The following FGD4 variants were observed in gnomAD, a reference collection of about 807,000 sequenced individuals.
FGD4 encodes FYVE, RhoGEF and PH domain containing 4.
In FGD4, 42 loss-of-function variants were observed where a neutral mutation model predicts 102.0. The observed-to-expected ratio is 0.41, with a 90% CI of 0.32 to 0.53. The LOEUF is 0.53. Among genes scored for constraint, FGD4 ranks in the 20% least tolerant of loss-of-function variants. FGD4 has a pLI of 0.21. For missense variants in FGD4, 902 were observed against 1,078.2 expected, an observed-to-expected ratio of 0.84 and a Z score of 2.29; for synonymous variants, 380 against 375.7, an observed-to-expected ratio of 1.01 and a Z score of -0.13.
chr12:32,510,984 G>A (rs1187496209), intron 1 of FGD4, among the ~76,000 whole-genome samples: 1 of 152,214 alleles, frequency 6.6e-6, no homozygotes, highest in Non-Finnish European at 1.5e-5. Context: ...ATCAGAGTCT[G>A]TGGGATTAAG....
chr12:32,441,974 C>T (rs546973024), intron 1 of FGD4, among the ~76,000 whole-genome samples: 28 of 151,720 alleles, frequency 1.8e-4, no homozygotes, highest in African/African-American at 6.3e-4. Context: ...TCCAGAGATG[C>T]TCTTCACGCC....
At chr12:32,498,132 G>A (rs1476166004) in intron 1 of FGD4, among the ~76,000 whole-genome samples, 1 of 152,208 alleles carries the variant, frequency 6.6e-6, no homozygotes, top group Non-Finnish European at 1.5e-5. Context: ...GTTGGACTTT[G>A]TAGAGGCTAA....
chr12:32,544,068 A>G lies in FGD4; in HGVS notation c.167-20069A>G, dbSNP rs901697646. ...GTGAAGAGGACTTCATACTTTGCAC[A>G]GAAGTATTTGCTGTGACTTAAACAA... is the stretch of plus-strand genomic sequence containing the variant. On this transcript the variant is annotated intron_variant, in intron 1 of 16. Transcript: ENST00000534526. This position sits in a 1 kb window ranked among gnomAD's most constrained non-coding sequence, Gnocchi z 4.1. Among the ~76,000 whole-genome samples, 20 of 152,214 alleles carry G rather than the reference A, an allele frequency of 1.3e-4. No homozygotes were observed. Among genetic ancestry groups the G allele is most frequent in the Non-Finnish European group, 5.9e-5 (4 of 68,034 alleles).
chr12:32,542,015 T>C (rs914602008), intron 1 of FGD4, among the ~76,000 whole-genome samples: 1 of 151,988 alleles, frequency 6.6e-6, no homozygotes, highest in Non-Finnish European at 1.5e-5. Flanking sequence ...TCACCGCAGG[T>C]CTGGGTGATC....
Position 32,513,378 on chromosome 12 carries a change from C to T in FGD4, c.167-50759C>T, listed in dbSNP as rs548834495. On this transcript the variant is annotated intron_variant, in intron 1 of 16. Coordinates refer to ENST00000534526, the MANE Select transcript of FGD4 (RefSeq NM_001370298.3). ...TTGGAATCTGTAAGATAAATGGCAC[C>T]AGATTATGTTAGTCTAAACTGTAAG... Among the ~76,000 whole-genome samples, 134 of 152,266 alleles carry T rather than the reference C, an allele frequency of 8.8e-4. 1 individual carries two copies. Among genetic ancestry groups the T allele is most frequent in the African/African-American group, 3.0e-3 (123 of 41,548 alleles).
chr12:32,492,643 T>A (rs17536329), intron 1 of FGD4, among the ~76,000 whole-genome samples: 29,068 of 152,196 alleles, frequency 0.19, 3,127 homozygotes, highest in South Asian at 0.29. Flanking sequence ...TGCTGCTTTA[T>A]AAACATAATA....
chr12:32,467,277 G>A (rs1019161420), intron 1 of FGD4, among the ~76,000 whole-genome samples: 1 of 152,008 alleles, frequency 6.6e-6, no homozygotes, highest in Non-Finnish European at 1.5e-5. Context: ...TACTATACAC[G>A]GTGCAATAAG....
At chr12:32,463,483 C>G (rs1238007360) in intron 1 of FGD4, among the ~76,000 whole-genome samples, 1 of 152,284 alleles carries the variant, frequency 6.6e-6, no homozygotes, top group Non-Finnish European at 1.5e-5. Context: ...AGGTAAATAA[C>G]GTATTCTTCT....
intron 2 of FGD4, 109 bp downstream of exon 2, chr12:32,564,398 T>A: frequency 2.2e-5 from 22 of 1,018,652 alleles, no homozygotes; most frequent in Non-Finnish European, 3.0e-5. Flanking sequence ...AAGGAAGGAA[T>A]TGGGTACATT....
chr12:32,617,157 G>A (rs1249409109), intron 10 of FGD4, among the ~76,000 whole-genome samples: 1 of 152,118 alleles, frequency 6.6e-6, no homozygotes, highest in Non-Finnish European at 1.5e-5. Flanking sequence ...TCCAACACAC[G>A]CTTTTTACAC....
At chr12:32,424,372 A>G (rs921886137) in intron 1 of FGD4, among the ~76,000 whole-genome samples, 1 of 152,126 alleles carries the variant, frequency 6.6e-6, no homozygotes, top group Non-Finnish European at 1.5e-5. Context: ...TTCTAGCTTC[A>G]TCCATGTCCC....
rs918777984 is a variant in FGD4, at chr12:32,564,183, A to G, written c.213A>G (p.Thr71=). The part of the protein sequence containing the change: ...PKIALVPPCS[T]SSTTTLVGEN... The stretch of plus-strand genomic sequence containing the variant: ...TCGCTTTAGTTCCACCTTGCTCCAC[A>G]AGCAGCACAACCACACTGGTTGGTG... The change falls in exon 2 of 17, where the codon ACA becomes ACG. Residue 71 remains threonine (T), a synonymous_variant. Transcript: ENST00000534526. 1.1e-5 allele frequency: 17 copies of G among 1,536,166 alleles called. No individual in the cohort carries two copies. The Admixed American group carries it at 2.0e-4, about 18-fold the overall frequency.
Position 32,576,285 on chromosome 12 carries a change from C to G in FGD4, c.339C>G (p.His113Gln). ...PKPQVPPKPL[H>Q]LQNSPSSNIH... is the part of the protein sequence containing the mutation. ...CTACAGTGCCTCCAAAGCCATTACA[C>G]CTGCAGAATTCACCTTCGTCCAATA... is the stretch of plus-strand genomic sequence containing the variant. Residue 113 changes from histidine to glutamine, a missense_variant, in exon 3 of 17, where the codon CAC (histidine) becomes CAG (glutamine). His to Gln is a conservative substitution (Grantham distance 24, BLOSUM62 0). Coordinates refer to ENST00000534526, the MANE Select transcript of FGD4 (RefSeq NM_001370298.3). The G allele has an allele frequency of 1.2e-6, 2 of 1,605,604 alleles. No individual in the cohort carries two copies. Among genetic ancestry groups the G allele is most frequent in the Non-Finnish European group, 1.7e-6 (2 of 1,175,196 alleles).
At chr12:32,513,346 G>A (rs1312079596) in intron 1 of FGD4, among the ~76,000 whole-genome samples, 1 of 152,148 alleles carries the variant, frequency 6.6e-6, no homozygotes, top group Non-Finnish European at 1.5e-5. Context: ...GTGTAGGAGT[G>A]GAATGGTTGG....
chr12:32,444,205 A>G (rs1942542275), intron 1 of FGD4, among the ~76,000 whole-genome samples: 1 of 151,626 alleles, frequency 6.6e-6, no homozygotes, highest in East Asian at 2.0e-4. Flanking sequence ...AAAATTTTTT[A>G]TAGAGACAGG....
chr12:32,453,030 C>T (rs1016725166), intron 1 of FGD4, among the ~76,000 whole-genome samples: 20 of 151,438 alleles, frequency 1.3e-4, no homozygotes, highest in African/African-American at 4.4e-4. Context: ...ATTGAACTTT[C>T]TATTATAGAA....
At chr12:32,615,863 A>G (rs1222660524) in intron 10 of FGD4, among the ~76,000 whole-genome samples, 1 of 152,112 alleles carries the variant, frequency 6.6e-6, no homozygotes, top group Admixed American at 6.5e-5. Flanking sequence ...TGATTGGGGC[A>G]GGAGAATAGT....
At chr12:32,587,396 A>G (rs1314870598) in intron 4 of FGD4, among the ~76,000 whole-genome samples, 1 of 151,348 alleles carries the variant, frequency 6.6e-6, no homozygotes, top group East Asian at 1.9e-4. Flanking sequence ...TTATTTATTT[A>G]TTTTGAGACA....
intron 1 of FGD4, 123 bp from the exon 2 acceptor site, chr12:32,564,014 G>GGGGAGAGGGAGAGGGAGGGGGA: frequency 2.2e-6 from 2 of 898,752 alleles, no homozygotes; most frequent in Admixed American, 2.9e-5. Flanking sequence ...ACCGTGGAAA[G>GGGGAGAGGGAGAGGGAGGGGGA]GGGAGAGGGA....
Sources: gnomAD v4.1 joint callset for allele counts (sites outside exome capture counted in the v4.1 genomes callset) on GRCh38, gnomAD v4.1.1 for gene constraint, Gnocchi (gnomAD v3.1) non-coding constraint, MANE v1.5 for transcripts, NCBI Gene and HGNC (gene_info 2026-07-23, HGNC 2026-07-21) for gene names.